The following SETBP1 variants were observed in gnomAD, a reference collection of about 807,000 sequenced individuals.
SETBP1 encodes SET binding protein 1.
SETBP1 carries 9 observed loss-of-function variants against 101.0 expected under a neutral mutation model. The ratio of observed to expected loss-of-function variants is 0.09; its 90% CI spans 0.05 to 0.16. The LOEUF (loss-of-function observed/expected upper bound fraction) is 0.16. SETBP1 is among the 10% of genes least tolerant of loss of function. SETBP1 has a pLI of 1.00. For missense variants in SETBP1, 1,858 were observed against 2,033.8 expected (o/e 0.91, Z 1.66); for synonymous variants, 818 against 788.5 (o/e 1.04, Z -0.63).
intron 2 of SETBP1, among the ~76,000 whole-genome samples, chr18:44,728,288 G>A (rs1021830781): frequency 6.6e-6 from 1 of 152,170 alleles, no homozygotes; most frequent in African/African-American, 2.4e-5. Context: ...CACTGTCAGA[G>A]ACTGGTGGTT....
intron 2 of SETBP1, among the ~76,000 whole-genome samples, chr18:44,771,442 G>A (rs1440165555): frequency 1.3e-5 from 2 of 151,886 alleles, no homozygotes; most frequent in Non-Finnish European, 2.9e-5. Context: ...CAAGCACAAT[G>A]AGAATAGGCA....
chr18:44,861,089 A>G (rs1428739525), intron 2 of SETBP1, among the ~76,000 whole-genome samples: 1 of 152,174 alleles, frequency 6.6e-6, no homozygotes, highest in Admixed American at 6.5e-5. Context: ...GTTATTCTGA[A>G]TAAAGAGGGG....
intron 2 of SETBP1, among the ~76,000 whole-genome samples, chr18:44,736,540 C>A (rs1216837976): frequency 1.3e-5 from 2 of 152,288 alleles, no homozygotes; most frequent in Non-Finnish European, 2.9e-5. Context: ...ATAACATCAA[C>A]CCACTGTGAT....
chr18:44,919,475 G>A (rs915740288), intron 3 of SETBP1, among the ~76,000 whole-genome samples: 3 of 151,500 alleles, frequency 2.0e-5, no homozygotes, highest in African/African-American at 7.3e-5. Flanking sequence ...TCAGCTTCCT[G>A]AGTAGCTGGG....
chr18:44,998,088 G>C (rs1032062721), intron 4 of SETBP1, among the ~76,000 whole-genome samples: 5 of 152,232 alleles, frequency 3.3e-5, no homozygotes, highest in Admixed American at 2.0e-4. Context: ...TTAAAGAGAA[G>C]GGAGATTGGG....
Position 44,813,287 on chromosome 18 carries a change from C to T in SETBP1, c.487-55943C>T, listed in dbSNP as rs1189350382. On this transcript the variant is annotated intron_variant, in intron 2 of 5. Coordinates refer to ENST00000649279, the MANE Select transcript of SETBP1 (RefSeq NM_015559.3). ...GTGATGGCTCCTCCCCATGTTTTTA[C>T]ATGGCAGAAGATATAAAAACTTCTG... Among the ~76,000 whole-genome samples the T allele has an allele frequency of 2.0e-5, 3 of 152,160 alleles. No homozygotes were observed. In the East Asian group the frequency reaches 5.8e-4, roughly 29 times the overall value.
chr18:44,971,578 T>C (rs576745263), intron 4 of SETBP1, among the ~76,000 whole-genome samples: 27 of 152,358 alleles, frequency 1.8e-4, no homozygotes, highest in African/African-American at 6.3e-4. Context: ...CTAACTGGTG[T>C]GAGATGGTAT....
At chr18:44,720,633 G>A (rs1307290179) in intron 2 of SETBP1, among the ~76,000 whole-genome samples, 1 of 152,162 alleles carries the variant, frequency 6.6e-6, no homozygotes, top group Non-Finnish European at 1.5e-5. Flanking sequence ...TGTTGTACCC[G>A]ATGGTGGAAC....
intron 4 of SETBP1, among the ~76,000 whole-genome samples, chr18:44,999,244 TC>T (rs1294044139): frequency 3.9e-5 from 6 of 152,130 alleles, no homozygotes; most frequent in Non-Finnish European, 7.4e-5. Flanking sequence ...GAATCTGAAG[TC>T]CTCATGTGTC....
At position 45,015,777 on chromosome 18, in the gene SETBP1, A is replaced by G. The variant is rs574714755; in HGVS notation, c.4001-22708A>G. Among the ~76,000 whole-genome samples, 3 of 152,362 alleles carry G rather than the reference A, an allele frequency of 2.0e-5. No individual in the cohort carries two copies. In the East Asian group the frequency reaches 5.8e-4, roughly 29 times the overall value. ...TGTTATAGAAACTATCTTGGGGTGA[A>G]CAGAGAAAAATAGATCATAAGTATG... On this transcript the variant is annotated intron_variant, in intron 4 of 5. Coordinates refer to ENST00000649279, the MANE Select transcript of SETBP1 (RefSeq NM_015559.3).
intron 4 of SETBP1, among the ~76,000 whole-genome samples, chr18:45,028,728 T>A (rs576065069): frequency 2.6e-3 from 400 of 152,336 alleles, no homozygotes; most frequent in African/African-American, 8.9e-3. Context: ...TGGTATCTCA[T>A]TGTGGTTTTG....
At chr18:44,809,225 G>A (rs2071809512) in intron 2 of SETBP1, among the ~76,000 whole-genome samples, 1 of 151,966 alleles carries the variant, frequency 6.6e-6, no homozygotes, top group Admixed American at 6.6e-5. Flanking sequence ...CTCCTATAAA[G>A]GCAAATCCAG....
At chr18:44,774,777 C>T (rs569701988) in intron 2 of SETBP1, among the ~76,000 whole-genome samples, 1 of 152,264 alleles carries the variant, frequency 6.6e-6, no homozygotes, top group South Asian at 2.1e-4. Context: ...ACCTGGGTCA[C>T]CTGATCCCAG....
At chr18:44,729,025 A>C (rs1027411878) in intron 2 of SETBP1, among the ~76,000 whole-genome samples, 1 of 152,150 alleles carries the variant, frequency 6.6e-6, no homozygotes, top group Non-Finnish European at 1.5e-5. Context: ...AACCCTAGGC[A>C]GTAGCTACTA....
intron 4 of SETBP1, among the ~76,000 whole-genome samples, chr18:45,009,329 C>T (rs535413622): frequency 6.6e-5 from 10 of 150,842 alleles, no homozygotes; most frequent in East Asian, 2.0e-4. Flanking sequence ...GCCTCCATCT[C>T]GGATGCCTGT....
At chr18:44,901,481 C>T (rs1260520051) in intron 3 of SETBP1, among the ~76,000 whole-genome samples, 6 of 152,220 alleles carry the variant, frequency 3.9e-5, no homozygotes, top group South Asian at 4.2e-4. Context: ...TTCTGGCCAC[C>T]GAGGGGCAGC....
intron 3 of SETBP1, among the ~76,000 whole-genome samples, chr18:44,903,754 CACAA>C (rs2070106868): frequency 1.3e-5 from 2 of 152,158 alleles, no homozygotes; most frequent in Non-Finnish European, 2.9e-5. Context: ...TGAAATTCAC[CACAA>C]ACAGTCATCA....
chr18:44,915,058 A>T (rs1379885118), intron 3 of SETBP1, among the ~76,000 whole-genome samples: 11 of 152,162 alleles, frequency 7.2e-5, no homozygotes, highest in Non-Finnish European at 2.9e-5. Context: ...TATGTGTTTT[A>T]TATTGATTTG....
intron 2 of SETBP1, among the ~76,000 whole-genome samples, chr18:44,710,006 C>T (rs972482083): frequency 3.3e-5 from 5 of 152,008 alleles, no homozygotes; most frequent in Non-Finnish European, 7.3e-5. Context: ...CAGCTGGCGG[C>T]TGCTACTCTT....
Sources: gnomAD v4.1 joint callset for allele counts (sites outside exome capture counted in the v4.1 genomes callset) on GRCh38, gnomAD v4.1.1 for gene constraint, MANE v1.5 for transcripts, NCBI Gene and HGNC (gene_info 2026-07-23, HGNC 2026-07-21) for gene names.